Variants in SLC35A3 observed in about 807,000 individuals in gnomAD.
SLC35A3 encodes the protein UDP-N-acetylglucosamine transporter.
In SLC35A3, 26 loss-of-function variants were observed where a neutral mutation model predicts 39.0. The observed-to-expected ratio is 0.67, with a 90% CI of 0.49 to 0.92. The LOEUF (loss-of-function observed/expected upper bound fraction) is 0.92. Ranked by LOEUF, SLC35A3 falls within the 40% of genes least tolerant of loss-of-function variation. The probability of loss-of-function intolerance (pLI) is 0.00; values close to 1 mark genes in which losing one functional copy is unlikely to be tolerated. For synonymous variants in SLC35A3, 135 were observed against 133.1 expected, an observed-to-expected ratio of 1.01 and a Z score of -0.10; for missense variants, 299 against 371.6, an observed-to-expected ratio of 0.80 and a Z score of 1.61.
At chr1:100,013,901 A>G (rs953921309) in intron 5 of SLC35A3, among the ~76,000 whole-genome samples, 5 of 152,148 alleles carry the variant, frequency 3.3e-5, no homozygotes, top group African/African-American at 1.2e-4. Flanking sequence ...CTTCATTTTT[A>G]AAAATTGCTT....
intron 1 of SLC35A3, chr1:99,970,450 G>C (rs767567730): frequency 4.2e-5 from 35 of 841,592 alleles, no homozygotes; most frequent in Non-Finnish European, 6.2e-5. Flanking sequence ...GAATGAAGAC[G>C]GCAGTGTGTG....
At chr1:100,015,270 C>T (rs186284804) in intron 5 of SLC35A3, 32 bp from the exon 6 acceptor site, 17,132 of 1,506,422 alleles carry the variant, frequency 0.011, 113 homozygotes, top group Middle Eastern at 0.036. Flanking sequence ...ACAAACTAAA[C>T]GATATATCAT....
intron 1 of SLC35A3, chr1:99,970,484 G>A: frequency 7.7e-7 from 1 of 1,296,742 alleles, no homozygotes; most frequent in South Asian, 1.3e-5. Flanking sequence ...TGCGTGCGGA[G>A]CTAGTGACGG....
chr1:99,985,687 C>T (rs375830786), intron 1 of SLC35A3, among the ~76,000 whole-genome samples: 22 of 152,262 alleles, frequency 1.4e-4, no homozygotes, highest in East Asian at 5.8e-4. Flanking sequence ...ATTGATTCTA[C>T]GCATCCGTGA....
chr1:99,988,562 C>T (rs1020874943), intron 1 of SLC35A3, among the ~76,000 whole-genome samples: 4 of 152,076 alleles, frequency 2.6e-5, no homozygotes, highest in Admixed American at 6.6e-5. Flanking sequence ...ATTGCTAGGT[C>T]ATATGAAAAG....
At chr1:100,004,536 A>G (rs1159726337) in intron 3 of SLC35A3, among the ~76,000 whole-genome samples, 1 of 152,050 alleles carries the variant, frequency 6.6e-6, no homozygotes, top group Non-Finnish European at 1.5e-5. Flanking sequence ...TCCTGAGCTC[A>G]AGAGATCTGC....
At chr1:100,015,497 A>T in intron 6 of SLC35A3, 77 bp downstream of exon 6, 1 of 1,445,646 alleles carries the variant, frequency 6.9e-7, no homozygotes, top group Non-Finnish European at 9.1e-7. Context: ...CTCCTGATAT[A>T]CTGATGTGAG....
At chr1:99,991,372 C>T (rs1371338714) in intron 1 of SLC35A3, among the ~76,000 whole-genome samples, 1 of 152,156 alleles carries the variant, frequency 6.6e-6, no homozygotes, top group Admixed American at 6.5e-5. Flanking sequence ...TCTTGAACTC[C>T]TGACCTCGTG....
chr1:99,970,439 C>G (rs1030115212), intron 1 of SLC35A3: 1 of 761,100 alleles, frequency 1.3e-6, no homozygotes, highest in African/African-American at 1.8e-5. Flanking sequence ...GTGTGTCAAG[C>G]GAATGAAGAC....
chr1:100,018,590 C>T (rs1056319615), intron 7 of SLC35A3, among the ~76,000 whole-genome samples: 1 of 152,058 alleles, frequency 6.6e-6, no homozygotes, highest in East Asian at 1.9e-4. Context: ...AGTGCAGTGG[C>T]GTGATCGTAG....
intron 6 of SLC35A3, among the ~76,000 whole-genome samples, chr1:100,016,549 A>G (rs538803423): frequency 3.4e-5 from 5 of 147,412 alleles, no homozygotes; most frequent in African/African-American, 1.0e-4. Flanking sequence ...AATTTTTTGT[A>G]TTTTTAGTAG....
At chr1:99,970,532 A>T in intron 1 of SLC35A3, 1 of 1,534,478 alleles carries the variant, frequency 6.5e-7, no homozygotes, top group African/African-American at 1.4e-5. Flanking sequence ...TTCAGTGAAC[A>T]TCCCATGAGC....
Position 100,015,427 on chromosome 1 carries a change from C to A in SLC35A3, c.753+7C>A. ...GATAGTAGTTGTTCTTCAGGTAAAGCATTTAAAGTCTTAGATTTAATGCTA... is the reference window on the plus strand; with the variant it reads ...GATAGTAGTTGTTCTTCAGGTAAAGAATTTAAAGTCTTAGATTTAATGCTA... On this transcript the variant is annotated splice_region_variant and intron_variant, in intron 6 of 7. Transcript: ENST00000533028. The A allele has an allele frequency of 6.3e-7, 1 of 1,592,752 alleles. No individual in the cohort carries two copies. Among genetic ancestry groups the A allele is most frequent in the Non-Finnish European group, 8.5e-7 (1 of 1,173,306 alleles).
chr1:100,001,847 A>G (rs1658838018), intron 3 of SLC35A3, among the ~76,000 whole-genome samples: 1 of 152,134 alleles, frequency 6.6e-6, no homozygotes, highest in South Asian at 2.1e-4. Context: ...TTCTGCATCT[A>G]TTGAGATGAT....
At chr1:100,015,530 G>A in intron 6 of SLC35A3, 110 bp downstream of exon 6, 1 of 1,181,010 alleles carries the variant, frequency 8.5e-7, no homozygotes, top group South Asian at 2.3e-5. Flanking sequence ...CCTCCTGTTA[G>A]TGCTCTCGTA....
chr1:100,002,781 A>AT (rs2101240303), intron 3 of SLC35A3, among the ~76,000 whole-genome samples: 1 of 140,034 alleles, frequency 7.1e-6, no homozygotes, highest in East Asian at 2.0e-4. Flanking sequence ...CATGCCGGTT[A>AT]ATTTTTTTTT....
In SLC35A3 at chr1:100,011,494, GAAACA is replaced by G; in HGVS notation, c.602_606del (p.Lys201IlefsTer25). Reference sequence around the variant, plus strand: ...GGTTTACTTTGAGAAAATCTTAAAAGAAACAAAACAATCAGTGTGGATAAGAAATA... The same window carrying G: ...GGTTTACTTTGAGAAAATCTTAAAAGAAACAATCAGTGTGGATAAGAAATA... On this transcript the variant is annotated frameshift_variant, in exon 5 of 8. Coordinates refer to ENST00000533028, the MANE Select transcript of SLC35A3 (RefSeq NM_012243.3). LOFTEE classifies it high-confidence loss of function. The G allele has an allele frequency of 6.4e-7, 1 of 1,557,330 alleles. No individual in the cohort carries two copies. Among genetic ancestry groups the G allele is most frequent in the Non-Finnish European group, 8.8e-7 (1 of 1,140,400 alleles).
Position 99,978,247 on chromosome 1 carries a change from C to T in SLC35A3, c.-19+8085C>T, listed in dbSNP as rs143983945. Among the ~76,000 whole-genome samples, 449 of 152,246 alleles carry T rather than the reference C, an allele frequency of 2.9e-3. 3 individuals are homozygous for T. Among genetic ancestry groups the T allele is most frequent in the African/African-American group, 0.01 (428 of 41,528 alleles). On this transcript the variant is annotated intron_variant, in intron 1 of 7. Transcript: ENST00000533028. ...ATGTTTTTTAAAACAGCAAAGAGGC[C>T]GGGCAGGGTGGCTCATACCTGCAAT...
intron 2 of SLC35A3, 54 bp downstream of exon 2, chr1:99,993,795 T>C: frequency 6.9e-7 from 1 of 1,448,020 alleles, no homozygotes; most frequent in Non-Finnish European, 9.6e-7. Flanking sequence ...AGTTTGCATA[T>C]ATATATTGGT....
Sources: allele counts gnomAD v4.1 joint callset (sites outside exome capture counted in the v4.1 genomes callset), GRCh38; gene constraint gnomAD v4.1.1; transcripts MANE v1.5; gene names NCBI Gene and HGNC (gene_info 2026-07-23, HGNC 2026-07-21).